VPS53: variants seen among roughly 807,000 people sequenced by gnomAD.
VPS53 encodes vacuolar protein sorting-associated protein 53 homolog.
A neutral mutation model predicts 107.0 loss-of-function variants in VPS53; 70 were observed. The observed-to-expected ratio is 0.65, with a 90% confidence interval of 0.54 to 0.80. The LOEUF is 0.80. Among genes scored for constraint, VPS53 ranks in the 30% least tolerant of loss-of-function variants. VPS53 has a pLI of 0.00. For synonymous variants in VPS53, 409 were observed against 393.3 expected, an observed-to-expected ratio of 1.04 and a Z score of -0.47; for missense variants, 917 against 1,049.4, an observed-to-expected ratio of 0.87 and a Z score of 1.74.
chr17:642,005 T>C (rs1367506823), intron 7 of VPS53, among the ~76,000 whole-genome samples: 1 of 152,152 alleles, frequency 6.6e-6, no homozygotes, highest in Non-Finnish European at 1.5e-5. Flanking sequence ...TTCTCAGCTT[T>C]TCGTAAGGGG....
intron 7 of VPS53, among the ~76,000 whole-genome samples, chr17:648,837 G>A (rs1597434466): frequency 7.5e-6 from 1 of 132,580 alleles, no homozygotes; most frequent in African/African-American, 2.7e-5. Flanking sequence ...GAGGACAGAG[G>A]AATGGTACAG....
chr17:611,265 C>T (rs1461273422), intron 11 of VPS53, among the ~76,000 whole-genome samples: 2 of 152,182 alleles, frequency 1.3e-5, no homozygotes, highest in Non-Finnish European at 2.9e-5. Flanking sequence ...GCTCCCACCT[C>T]GGCCTCCCAC....
At chr17:662,993 C>G (rs1971536335) in intron 4 of VPS53, among the ~76,000 whole-genome samples, 2 of 151,670 alleles carry the variant, frequency 1.3e-5, no homozygotes, top group African/African-American at 4.8e-5. Flanking sequence ...ATTGCTTGAG[C>G]CCAGGAGTTC....
chr17:569,922 A>G (rs987176102), intron 13 of VPS53, among the ~76,000 whole-genome samples: 2 of 151,794 alleles, frequency 1.3e-5, no homozygotes, highest in Non-Finnish European at 1.5e-5. Flanking sequence ...AAAAAAGAAG[A>G]AAAATCATCA....
intron 7 of VPS53, among the ~76,000 whole-genome samples, chr17:643,651 C>T (rs947305355): frequency 3.6e-4 from 54 of 148,886 alleles, no homozygotes; most frequent in Admixed American, 7.4e-4. Flanking sequence ...ACTTGGAAAG[C>T]GAGGACAACA....
At chr17:649,844 A>C (rs1970868014) in intron 7 of VPS53, among the ~76,000 whole-genome samples, 1 of 152,278 alleles carries the variant, frequency 6.6e-6, no homozygotes, top group Non-Finnish European at 1.5e-5. Flanking sequence ...AGACATGAGA[A>C]TATTATGCCC....
chr17:609,803 G>A (rs1041137605), intron 11 of VPS53, among the ~76,000 whole-genome samples: 7 of 151,972 alleles, frequency 4.6e-5, no homozygotes, highest in African/African-American at 1.4e-4. Flanking sequence ...GAGAAGAGAA[G>A]AGAGGAAAAA....
intron 17 of VPS53, among the ~76,000 whole-genome samples, chr17:549,743 T>C (rs1911650840): frequency 6.6e-6 from 1 of 152,162 alleles, no homozygotes; most frequent in Non-Finnish European, 1.5e-5. Context: ...TCATGAGAGC[T>C]GGCAAAACGA....
chr17:638,917 A>G (rs1010422359), intron 7 of VPS53, among the ~76,000 whole-genome samples: 1 of 152,128 alleles, frequency 6.6e-6, no homozygotes, highest in Non-Finnish European at 1.5e-5. Context: ...TTCTCGAGGA[A>G]TATCTTTGTG....
intron 13 of VPS53, among the ~76,000 whole-genome samples, chr17:584,763 A>G (rs1378426518): frequency 2.0e-5 from 3 of 152,008 alleles, no homozygotes; most frequent in Non-Finnish European, 2.9e-5. Flanking sequence ...TGGGCTCAAG[A>G]GCTCCTCCTA....
At chr17:549,393 G>T (rs1446105592) in intron 17 of VPS53, among the ~76,000 whole-genome samples, 1 of 152,002 alleles carries the variant, frequency 6.6e-6, no homozygotes, top group Non-Finnish European at 1.5e-5. Flanking sequence ...GCGTTCCCAA[G>T]TCTGTGGTTT....
chr17:653,478 ACCC>A, intron 6 of VPS53, 68 bp from the exon 7 acceptor site: 1 of 1,604,200 alleles, frequency 6.2e-7, no homozygotes, highest in African/African-American at 1.3e-5. Flanking sequence ...ACACAGAACA[ACCC>A]ACGCTAGCTC....
At chr17:562,370 C>T (rs1371776641) in intron 14 of VPS53, 133 bp downstream of exon 14, 10 of 1,273,014 alleles carry the variant, frequency 7.9e-6, no homozygotes, top group South Asian at 2.8e-5. Context: ...TTCAGGCCCT[C>T]GGGAACTCAG....
At chr17:667,555 G>A (rs1290888031) in intron 4 of VPS53, among the ~76,000 whole-genome samples, 1 of 79,896 alleles carries the variant, frequency 1.3e-5, no homozygotes, top group Admixed American at 1.6e-4. Flanking sequence ...TCTGGGGGGG[G>A]CAATGGGTTA....
At chr17:602,441 G>A (rs1479213261) in intron 11 of VPS53, among the ~76,000 whole-genome samples, 1 of 152,204 alleles carries the variant, frequency 6.6e-6, no homozygotes, top group Non-Finnish European at 1.5e-5. Flanking sequence ...AATCTCATGT[G>A]TTCTAGATTA....
intron 8 of VPS53, among the ~76,000 whole-genome samples, chr17:629,271 T>C (rs9674913): frequency 0.099 from 15,058 of 152,158 alleles, 830 homozygotes; most frequent in East Asian, 0.21. Flanking sequence ...AACTTCTCAA[T>C]TCTCACTTCA....
chr17:563,935 G>T (rs1440514465), intron 13 of VPS53, among the ~76,000 whole-genome samples: 2 of 152,210 alleles, frequency 1.3e-5, no homozygotes, highest in African/African-American at 4.8e-5. Flanking sequence ...AGAATCAAAG[G>T]TTTAAAAAAA....
chr17:679,326 C>T (rs1374778848), intron 4 of VPS53, among the ~76,000 whole-genome samples: 2 of 151,798 alleles, frequency 1.3e-5, no homozygotes, highest in African/African-American at 4.8e-5. Flanking sequence ...CCATCCTGGC[C>T]AACACGGTGA....
At chr17:572,366 G>T (rs1340881539) in intron 13 of VPS53, among the ~76,000 whole-genome samples, 1 of 151,080 alleles carries the variant, frequency 6.6e-6, no homozygotes, top group Admixed American at 6.6e-5. Context: ...CGTCTGAGAA[G>T]TGAGGAGCGT....
Sources: gnomAD v4.1 joint callset for allele counts (sites outside exome capture counted in the v4.1 genomes callset) on GRCh38, gnomAD v4.1.1 for gene constraint, MANE v1.5 for transcripts, NCBI Gene and HGNC (gene_info 2026-07-23, HGNC 2026-07-21) for gene names.